Variants in RFX4 observed in about 807,000 individuals in gnomAD.
RFX4 encodes regulatory factor X4.
A neutral mutation model predicts 95.0 loss-of-function variants in RFX4; 10 were observed. The observed-to-expected ratio is 0.11, with a 90% confidence interval of 0.06 to 0.18. The LOEUF (loss-of-function observed/expected upper bound fraction) is 0.18, where lower values mean the gene tolerates loss of function less well. Among genes scored for constraint, RFX4 ranks in the 10% least tolerant of loss-of-function variants. RFX4 has a pLI of 1.00. For synonymous variants in RFX4, 321 were observed against 340.7 expected (o/e 0.94, Z 0.64); for missense variants, 640 against 922.0 (o/e 0.69, Z 3.96).
chr12:106,620,748 T>C (rs1249952011), intron 2 of RFX4, among the ~76,000 whole-genome samples: 7 of 152,028 alleles, frequency 4.6e-5, no homozygotes, highest in Admixed American at 1.3e-4. Context: ...CTAGTAAACC[T>C]GAGGGTACTG....
intron 16 of RFX4, 38 bp downstream of exon 16, chr12:106,747,637 A>T: frequency 1.2e-6 from 2 of 1,604,326 alleles, no homozygotes; most frequent in Non-Finnish European, 1.7e-6. Context: ...GACTTTTAAA[A>T]TTTGATCTAA....
In RFX4 at chr12:106,721,000, TG is replaced by T; in HGVS notation, c.1351+128del. 2.6e-6 allele frequency: 2 copies of T among 761,392 alleles called. No homozygotes were observed. Among genetic ancestry groups the T allele is most frequent in the Non-Finnish European group, 4.5e-6 (2 of 444,674 alleles). 47.2% of individuals were successfully genotyped at this position (761,392 alleles called of 1,614,324 possible). A position where few individuals can be genotyped will look rare whatever the true frequency, so the allele number is the denominator to read the frequency against. ...TCATCACCCTGAAACACATCTCTTC[TG>T]GGGAGACATGACATTGTTAGGACTT... On this transcript the variant is annotated intron_variant, in intron 13 of 17. Coordinates refer to ENST00000392842, the MANE Select transcript of RFX4 (RefSeq NM_213594.3). This position sits in a 1 kb window ranked among gnomAD's most constrained non-coding sequence, Gnocchi z 4.2.
At chr12:106,692,113 C>T (rs182376053) in intron 7 of RFX4, among the ~76,000 whole-genome samples, 2 of 150,216 alleles carry the variant, frequency 1.3e-5, no homozygotes, top group East Asian at 3.9e-4. Flanking sequence ...GCCAAGATTG[C>T]GTCACTGCAC....
intron 15 of RFX4, among the ~76,000 whole-genome samples, chr12:106,738,865 A>T (rs2042757563): frequency 6.6e-6 from 1 of 152,210 alleles, no homozygotes; most frequent in Non-Finnish European, 1.5e-5. Context: ...AAATATTAGG[A>T]AATCTATTAC....
At chr12:106,634,869 A>T (rs1196703618) in intron 2 of RFX4, among the ~76,000 whole-genome samples, 1 of 152,152 alleles carries the variant, frequency 6.6e-6, no homozygotes, top group African/African-American at 2.4e-5. Flanking sequence ...GCCTACCTGT[A>T]TCACAGCACT....
intron 4 of RFX4, among the ~76,000 whole-genome samples, chr12:106,660,959 A>G (rs1016905813): frequency 1.3e-5 from 2 of 152,166 alleles, no homozygotes; most frequent in Non-Finnish European, 2.9e-5. Context: ...CTTCCATGAA[A>G]CCAGTCCCTG....
chr12:106,620,697 G>A (rs994158522), intron 2 of RFX4, among the ~76,000 whole-genome samples: 14 of 152,000 alleles, frequency 9.2e-5, no homozygotes, highest in African/African-American at 2.4e-4. Context: ...GCAGAGAACC[G>A]ATCTGACCAC....
chr12:106,640,777 A>ATT (rs2040605935), intron 3 of RFX4, among the ~76,000 whole-genome samples: 1 of 128,998 alleles, frequency 7.8e-6, no homozygotes, highest in Non-Finnish European at 1.6e-5. Flanking sequence ...GAATTGACAG[A>ATT]CTTTTTTTTT....
chr12:106,659,016 G>A (rs1227043022), intron 4 of RFX4, among the ~76,000 whole-genome samples: 1 of 152,174 alleles, frequency 6.6e-6, no homozygotes, highest in Admixed American at 6.6e-5. Flanking sequence ...AAATAGCTTT[G>A]CTTTGTTCCA....
intron 8 of RFX4, among the ~76,000 whole-genome samples, chr12:106,708,905 C>T (rs146951019): frequency 1.4e-3 from 206 of 152,240 alleles, no homozygotes; most frequent in African/African-American, 4.6e-3. Flanking sequence ...CACCAAATGG[C>T]GAGCAGTTTG....
intron 1 of RFX4, among the ~76,000 whole-genome samples, chr12:106,584,926 C>T (rs556768222): frequency 3.3e-5 from 5 of 152,324 alleles, no homozygotes; most frequent in African/African-American, 1.2e-4. Context: ...CGTCGCCTGC[C>T]CTGCGTGCCT....
intron 8 of RFX4, among the ~76,000 whole-genome samples, chr12:106,705,219 A>G (rs2042061240): frequency 6.6e-6 from 1 of 152,240 alleles, no homozygotes; most frequent in African/African-American, 2.4e-5. Flanking sequence ...AGCTTGGCAC[A>G]TTGCACTCAT....
intron 8 of RFX4, among the ~76,000 whole-genome samples, chr12:106,701,140 T>A (rs150004842): frequency 1.4e-4 from 21 of 152,364 alleles, no homozygotes; most frequent in Non-Finnish European, 2.2e-4. Context: ...ATACTTTCAC[T>A]GGGTATGGTA....
At chr12:106,728,017 G>T (rs893578544) in intron 13 of RFX4, among the ~76,000 whole-genome samples, 2 of 152,060 alleles carry the variant, frequency 1.3e-5, no homozygotes, top group South Asian at 4.1e-4. Context: ...AATAGCAAAA[G>T]AAACTAAAAT....
intron 4 of RFX4, among the ~76,000 whole-genome samples, chr12:106,660,245 G>A (rs2137335948): frequency 6.6e-6 from 1 of 152,054 alleles, no homozygotes; most frequent in South Asian, 2.1e-4. Flanking sequence ...AAACCAGATG[G>A]CAAATGCAAT....
chr12:106,646,080 A>G, intron 3 of RFX4: 1 of 553,420 alleles, frequency 1.8e-6, no homozygotes, highest in East Asian at 6.9e-5. Flanking sequence ...TTGACGGGCA[A>G]TTTTGCAATC....
intron 5 of RFX4, chr12:106,682,351 T>C (rs1452235572): frequency 9.2e-6 from 4 of 434,070 alleles, no homozygotes; most frequent in South Asian, 3.3e-5. Context: ...AAGGATTGCC[T>C]TGTGGCCTCT....
intron 4 of RFX4, among the ~76,000 whole-genome samples, chr12:106,674,590 A>C (rs541215888): frequency 7.3e-4 from 111 of 152,024 alleles, no homozygotes; most frequent in Admixed American, 7.0e-3. Context: ...TCACCCTCCC[A>C]AAGTGTTGGG....
At position 106,754,706 on chromosome 12, in the gene RFX4, T is replaced by A. The variant is rs150887650; in HGVS notation, c.1935+3913T>A. On this transcript the variant is annotated intron_variant, in intron 17 of 17. Transcript: ENST00000392842. The stretch of plus-strand genomic sequence containing the variant: ...ACTGCCATTTAATATCTGGTCTTAA[T>A]AGAATGGCCCAAGGACAAGTGAAAG... Among the ~76,000 whole-genome samples the A allele has an allele frequency of 7.6e-4, 116 of 152,332 alleles. No individual in the cohort carries two copies. The East Asian group carries it at 0.021, about 28-fold the overall frequency.
Sources: gnomAD v4.1 joint callset for allele counts (sites outside exome capture counted in the v4.1 genomes callset) on GRCh38, gnomAD v4.1.1 for gene constraint, Gnocchi (gnomAD v3.1) non-coding constraint, MANE v1.5 for transcripts, NCBI Gene and HGNC (gene_info 2026-07-23, HGNC 2026-07-21) for gene names.